Variants in RPRD1B observed in about 807,000 individuals in gnomAD.
RPRD1B encodes regulation of nuclear pre-mRNA domain-containing protein 1B.
Under a neutral mutation model 41.5 loss-of-function variants are expected in RPRD1B, and 11 were observed. That is an observed-to-expected ratio of 0.27 (90% CI 0.17 to 0.44). The LOEUF (loss-of-function observed/expected upper bound fraction) is 0.44, where lower values mean the gene tolerates loss of function less well. RPRD1B is among the 20% of genes least tolerant of loss of function. The pLI is 1.00. For missense variants in RPRD1B, 248 were observed against 389.9 expected (o/e 0.64, Z 3.06); for synonymous variants, 158 against 155.6 (o/e 1.02, Z -0.12).
At chr20:38,081,356 T>G (rs1192383303) in intron 6 of RPRD1B, among the ~76,000 whole-genome samples, 1 of 152,206 alleles carries the variant, frequency 6.6e-6, no homozygotes, top group Non-Finnish European at 1.5e-5. Context: ...GCTGTCAGCT[T>G]GGACATTATT....
intron 6 of RPRD1B, among the ~76,000 whole-genome samples, chr20:38,083,373 A>G (rs1346092240): frequency 1.3e-5 from 2 of 152,328 alleles, no homozygotes; most frequent in South Asian, 2.1e-4. Flanking sequence ...TAAATTGAAA[A>G]TATTTAGCTT....
At chr20:38,040,411 A>G in intron 1 of RPRD1B, 24 bp from the exon 2 acceptor site, 1 of 1,564,700 alleles carries the variant, frequency 6.4e-7, no homozygotes, top group African/African-American at 1.4e-5. Flanking sequence ...TGTAAGTTAA[A>G]TTCTTTTCTT....
Position 38,040,327 on chromosome 20 carries a change from T to G in RPRD1B, c.152-108T>G, listed in dbSNP as rs903578526. The G allele has an allele frequency of 1.4e-5, 11 of 793,156 alleles. No homozygotes were observed. In the East Asian group the frequency reaches 3.4e-4, roughly 24 times the overall value. 49.1% of individuals were successfully genotyped at this position (793,156 alleles called of 1,614,324 possible). ...AAACATATCTACTTGACCCCCCAGG[T>G]AGATAATACTTGTCTTAATGTTTTT... On this transcript the variant is annotated intron_variant, in intron 1 of 6. Transcript: ENST00000373433.
intron 6 of RPRD1B, among the ~76,000 whole-genome samples, chr20:38,068,730 G>T (rs548220700): frequency 6.6e-6 from 1 of 152,276 alleles, no homozygotes; most frequent in African/African-American, 2.4e-5. Flanking sequence ...CTGCTCTCCT[G>T]AACCTAAGAT....
chr20:38,065,962 G>A, intron 5 of RPRD1B, 119 bp from the exon 6 acceptor site: 1 of 958,306 alleles, frequency 1.0e-6, no homozygotes, highest in Non-Finnish European at 1.6e-6. Context: ...CACAGGTGCT[G>A]GCTTATTCTC....
chr20:38,070,475 C>T, intron 6 of RPRD1B: 1 of 985,536 alleles, frequency 1.0e-6, no homozygotes, highest in Non-Finnish European at 1.2e-6. Context: ...AGCTTCACTT[C>T]CAGAGCAAAG....
At chr20:38,056,030 A>C (rs935430827) in intron 3 of RPRD1B, among the ~76,000 whole-genome samples, 3 of 152,240 alleles carry the variant, frequency 2.0e-5, no homozygotes, top group Non-Finnish European at 2.9e-5. Context: ...GCGCAAAGTG[A>C]GGACGGCCTG....
At chr20:38,057,506 A>C in intron 3 of RPRD1B, 26 bp from the exon 4 acceptor site, 1 of 1,564,346 alleles carries the variant, frequency 6.4e-7, no homozygotes, top group Non-Finnish European at 8.8e-7. Flanking sequence ...ATGTGACTCA[A>C]ATTTATTACT....
At chr20:38,053,194 A>G (rs2074206311) in intron 3 of RPRD1B, among the ~76,000 whole-genome samples, 1 of 152,212 alleles carries the variant, frequency 6.6e-6, no homozygotes, top group Non-Finnish European at 1.5e-5. Flanking sequence ...ATTCAGATGT[A>G]GAAATGGAAC....
At chr20:38,087,560 C>T (rs944411512) in intron 6 of RPRD1B, among the ~76,000 whole-genome samples, 24 of 152,156 alleles carry the variant, frequency 1.6e-4, no homozygotes, top group African/African-American at 5.8e-4. Context: ...AGGCAGGGGG[C>T]AGGAAGTCCG....
At chr20:38,061,300 A>G (rs1196690828) in intron 5 of RPRD1B, among the ~76,000 whole-genome samples, 1 of 152,144 alleles carries the variant, frequency 6.6e-6, no homozygotes, top group African/African-American at 2.4e-5. Flanking sequence ...CACTTCCCAT[A>G]TCACCTGGCA....
intron 1 of RPRD1B, among the ~76,000 whole-genome samples, chr20:38,037,857 GT>G (rs796354727): frequency 3.2e-4 from 47 of 145,120 alleles, no homozygotes; most frequent in South Asian, 8.7e-4. Flanking sequence ...TGGATTCTAG[GT>G]TTTTTTTTTT....
intron 6 of RPRD1B, among the ~76,000 whole-genome samples, chr20:38,085,880 C>G (rs2122772215): frequency 6.7e-6 from 1 of 148,944 alleles, no homozygotes; most frequent in South Asian, 2.1e-4. Context: ...CTCACTCTCA[C>G]CCAGGCTGGA....
intron 1 of RPRD1B, among the ~76,000 whole-genome samples, chr20:38,038,947 G>C (rs1159195004): frequency 6.6e-6 from 1 of 152,224 alleles, no homozygotes; most frequent in Non-Finnish European, 1.5e-5. Context: ...TGTTTTTCAG[G>C]TACTTTAGCA....
chr20:38,066,183 A>T lies in RPRD1B; in HGVS notation c.758A>T (p.Gln253Leu). 4 of 1,614,240 alleles carry T rather than the reference A, an allele frequency of 2.5e-6. No individual in the cohort carries two copies. Among genetic ancestry groups the T allele is most frequent in the Non-Finnish European group, 3.4e-6 (4 of 1,180,048 alleles). The change falls in exon 6 of 7, where the codon CAG (glutamine) becomes CTG (leucine). Residue 253 changes from glutamine (Q) to leucine (L), a missense_variant. Transcript: ENST00000373433. ...RLAAELEDRR[Q>L]LARMLVEYTQ... Reference sequence around the variant, plus strand: ...GCAGCAGAACTGGAGGACCGTCGCCAGCTGGCTCGGATGTTGGTGGAGTAT... The same window carrying T: ...GCAGCAGAACTGGAGGACCGTCGCCTGCTGGCTCGGATGTTGGTGGAGTAT...
At chr20:38,070,373 T>C in intron 6 of RPRD1B, 1 of 985,452 alleles carries the variant, frequency 1.0e-6, no homozygotes, top group Non-Finnish European at 1.2e-6. Flanking sequence ...GAAGCACAAA[T>C]GGCAGCCCAA....
intron 1 of RPRD1B, among the ~76,000 whole-genome samples, chr20:38,035,417 G>T (rs2073991413): frequency 6.6e-6 from 1 of 152,226 alleles, no homozygotes; most frequent in African/African-American, 2.4e-5. Context: ...TGAGGAAACT[G>T]AAGTGGCTAA....
intron 6 of RPRD1B, among the ~76,000 whole-genome samples, chr20:38,076,141 T>TG (rs1021499594): frequency 7.9e-5 from 12 of 152,224 alleles, no homozygotes; most frequent in Non-Finnish European, 1.8e-4. Flanking sequence ...GTCTGTTCTG[T>TG]GGGGCATAGA....
Position 38,091,922 on chromosome 20 carries a change from C to G in RPRD1B, c.*2047C>G. Reference sequence around the variant, plus strand: ...ATTATGTAAATGAATGTGTTGGCCTCTTAATACCTGTTACTAGTGGACTTC... The same window carrying G: ...ATTATGTAAATGAATGTGTTGGCCTGTTAATACCTGTTACTAGTGGACTTC... On this transcript the variant is annotated 3_prime_UTR_variant, in exon 7 of 7. Transcript: ENST00000373433. 1 of 985,864 alleles carries G rather than the reference C, an allele frequency of 1.0e-6. No homozygotes were observed. Among genetic ancestry groups the G allele is most frequent in the Non-Finnish European group, 1.2e-6 (1 of 829,928 alleles). The allele number at this position is 985,864 out of a possible 1,614,324, so 61.1% of individuals were successfully genotyped here.
Sources: gnomAD v4.1 joint callset for allele counts (sites outside exome capture counted in the v4.1 genomes callset) on GRCh38, gnomAD v4.1.1 for gene constraint, MANE v1.5 for transcripts, NCBI Gene and HGNC (gene_info 2026-07-23, HGNC 2026-07-21) for gene names.